The following MLLT6 variants were observed in gnomAD, a reference collection of about 807,000 sequenced individuals.
The protein encoded by MLLT6 is MLLT6, PHD finger containing.
In MLLT6, 22 loss-of-function variants were observed where a neutral mutation model predicts 103.0. The observed-to-expected ratio is 0.21, with a 90% CI of 0.15 to 0.31. The LOEUF is 0.31. Ranked by LOEUF, MLLT6 falls within the 10% of genes least tolerant of loss-of-function variation. The pLI, the probability that MLLT6 is intolerant of heterozygous loss-of-function variation, is 1.00. For missense variants in MLLT6, 1,199 were observed against 1,441.7 expected (o/e 0.83, Z 2.73); for synonymous variants, 606 against 623.5 (o/e 0.97, Z 0.42).
rs755359341 is a variant in MLLT6 at position 38,709,723 on chromosome 17, G to A, written c.552+148G>A. 7.5e-5 allele frequency: 49 copies of A among 656,470 alleles called. No homozygotes were observed. The highest frequency in any genetic ancestry group is 1.2e-4 in the Non-Finnish European group (44 of 364,986). 40.7% of individuals were successfully genotyped at this position (656,470 alleles called of 1,614,324 possible). The stretch of plus-strand genomic sequence containing the variant: ...CCTGCCCAAGAGGAGCTCTTCATTC[G>A]ATGAGGAATAAAGTACAGCTTCAGG... On this transcript the variant is annotated intron_variant, in intron 6 of 19. Transcript: ENST00000621332. This position sits in a 1 kb window ranked among gnomAD's most constrained non-coding sequence, Gnocchi z 4.3.
rs930790648 is a variant in MLLT6 at position 38,728,522 on chromosome 17, T to C, written c.*2924T>C. The C allele has an allele frequency of 8.6e-6, 2 of 233,186 alleles. No homozygotes were observed. Among genetic ancestry groups the C allele is most frequent in the Non-Finnish European group, 1.7e-5 (2 of 118,138 alleles). 14.4% of individuals were successfully genotyped at this position (233,186 alleles called of 1,614,324 possible). Reference sequence around the variant, plus strand: ...TGGAGTTGGGTGTTCCCACCCTCAGTGAGGAGGTGTGAGTGGGGGTGCATA... The same window carrying C: ...TGGAGTTGGGTGTTCCCACCCTCAGCGAGGAGGTGTGAGTGGGGGTGCATA... On this transcript the variant is annotated 3_prime_UTR_variant, in exon 20 of 20. Transcript: ENST00000621332.
At chr17:38,715,421 G>A in intron 8 of MLLT6, 191 bp from the exon 9 acceptor site, 1 of 882,646 alleles carries the variant, frequency 1.1e-6, no homozygotes, top group Non-Finnish European at 1.6e-6. Flanking sequence ...ACACCCAGGA[G>A]TGCCACAGCT....
chr17:38,717,878 C>G lies in MLLT6; in HGVS notation c.1867C>G (p.Pro623Ala). The stretch of plus-strand genomic sequence containing the variant: ...TCTGGCTGGCTCTACCTTTAGCCTC[C>G]CTTCTACCCACATCTTTGGAACCCC... ...FSLAGSTFSL[P>A]STHIFGTPMG... Residue 623 changes from proline (P) to alanine (A), a missense_variant, in exon 12 of 20, where the codon CCT (proline) becomes GCT (alanine). Pro to Ala is a conservative substitution (Grantham distance 27). Transcript: ENST00000621332. 1.9e-6 allele frequency: 3 copies of G among 1,614,058 alleles called. No individual in the cohort carries two copies. The highest frequency in any genetic ancestry group is 2.5e-6 in the Non-Finnish European group (3 of 1,179,924).
intron 2 of MLLT6, 41 bp from the exon 3 acceptor site, chr17:38,707,445 T>G (rs1904978455): frequency 6.2e-7 from 1 of 1,608,390 alleles, no homozygotes; most frequent in Admixed American, 1.7e-5. Flanking sequence ...AGGGTCCAGC[T>G]CAGCAGATCC....
rs1050257442 is a variant in MLLT6 at position 38,709,898 on chromosome 17, C to T, written c.552+323C>T. 2.6e-5 allele frequency among the ~76,000 whole-genome samples: 4 copies of T among 152,308 alleles called. No individual in the cohort carries two copies. Among genetic ancestry groups the T allele is most frequent in the Admixed American group, 2.6e-4 (4 of 15,298 alleles). On this transcript the variant is annotated intron_variant, in intron 6 of 19. Transcript: ENST00000621332. This position sits in a 1 kb window ranked among gnomAD's most constrained non-coding sequence, Gnocchi z 4.3. ...TAAGAGCCAACATTTGTGTGGGAGGCAGCATTTACTACGCCTCCGCCTTAG... is the reference window on the plus strand; with the variant it reads ...TAAGAGCCAACATTTGTGTGGGAGGTAGCATTTACTACGCCTCCGCCTTAG...
intron 18 of MLLT6, 93 bp downstream of exon 18, chr17:38,722,861 G>A: frequency 2.1e-6 from 2 of 969,062 alleles, no homozygotes; most frequent in South Asian, 1.4e-5. Flanking sequence ...GAGGGCAGGA[G>A]CAGGCAGAGT....
chr17:38,712,939 ACTC>A, intron 8 of MLLT6, 150 bp downstream of exon 8: 1 of 750,582 alleles, frequency 1.3e-6, no homozygotes, highest in South Asian at 1.4e-5. Context: ...CATACCCTCT[ACTC>A]CTTCTTCCAG....
chr17:38,724,458 C>A lies in MLLT6; in HGVS notation c.2884-162C>A, dbSNP rs894521171. On this transcript the variant is annotated intron_variant, in intron 18 of 19. Transcript: ENST00000621332. The surrounding 1 kb of genome is among the most constrained non-coding windows in gnomAD (Gnocchi z 5.4). ...ATTTTCTTGTCTAGATGGGGAGACCCAGGCTAAGTGGGAAATGCGAGACAG... is the reference window on the plus strand; with the variant it reads ...ATTTTCTTGTCTAGATGGGGAGACCAAGGCTAAGTGGGAAATGCGAGACAG... 1.6e-5 allele frequency: 9 copies of A among 573,952 alleles called. No individual in the cohort carries two copies. The African/African-American group carries it at 1.7e-4, about 11-fold the overall frequency. The allele number at this position is 573,952 out of a possible 1,614,324, so 35.6% of individuals were successfully genotyped here.
chr17:38,716,538 T>C lies in MLLT6; in HGVS notation c.1208T>C (p.Phe403Ser). 1 of 1,614,120 alleles carries C rather than the reference T, an allele frequency of 6.2e-7. No homozygotes were observed. The highest frequency in any genetic ancestry group is 1.1e-5 in the South Asian group (1 of 91,082). ...GAGCAGAAGGTGGTCTTCTCTGGCT[T>C]TGGGCCCATCATGCGCTTCTCCACC... ...LFEQKVVFSG[F>S]GPIMRFSTTT... is the part of the protein sequence containing the mutation. The change falls in exon 10 of 20, where the codon TTT (phenylalanine) becomes TCT (serine). Residue 403 changes from phenylalanine to serine, a missense_variant. Transcript: ENST00000621332. The surrounding 1 kb of genome is among the most constrained non-coding windows in gnomAD (Gnocchi z 5.6).
Position 38,705,341 on chromosome 17 carries a change from C to T in MLLT6, c.-292C>T, listed in dbSNP as rs1368666253. ...GGGGCGGCCCTAGGAGCCGGGCGAGCGGCGCGGAGGGGGCGAGCCCGGCGT... is the reference window on the plus strand; with the variant it reads ...GGGGCGGCCCTAGGAGCCGGGCGAGTGGCGCGGAGGGGGCGAGCCCGGCGT... On this transcript the variant is annotated 5_prime_UTR_variant, in exon 1 of 20. Coordinates refer to ENST00000621332, the MANE Select transcript of MLLT6 (RefSeq NM_005937.4). Among the ~76,000 whole-genome samples, 1 of 143,366 alleles carries T rather than the reference C, an allele frequency of 7.0e-6. No individual in the cohort carries two copies. The highest frequency in any genetic ancestry group is 1.5e-5 in the Non-Finnish European group (1 of 64,652). 94.1% of individuals were successfully genotyped at this position (143,366 alleles called of 152,430 possible).
Position 38,705,604 on chromosome 17 carries a change from C to T in MLLT6, c.-29C>T. On this transcript the variant is annotated 5_prime_UTR_variant, in exon 1 of 20. Coordinates refer to ENST00000621332, the MANE Select transcript of MLLT6 (RefSeq NM_005937.4). The stretch of plus-strand genomic sequence containing the variant: ...CCGACCCCCGCCGGCCGGCCCCCCG[C>T]CCCAGCCCCGGAGGGAGCTCATGGG... 1 of 1,400,538 alleles carries T rather than the reference C, an allele frequency of 7.1e-7. No homozygotes were observed. Among genetic ancestry groups the T allele is most frequent in the Non-Finnish European group, 9.7e-7 (1 of 1,026,358 alleles). The allele number at this position is 1,400,538 out of a possible 1,614,324, so 86.8% of individuals were successfully genotyped here. A position where few individuals can be genotyped will look rare whatever the true frequency, so the allele number is the denominator to read the frequency against.
intron 8 of MLLT6, chr17:38,713,594 G>C (rs1328214913): frequency 6.5e-6 from 1 of 152,740 alleles, no homozygotes; most frequent in African/African-American, 2.4e-5. Context: ...ATGTTGCTGT[G>C]GCAACTGCCC....
rs1905787285 is a variant in MLLT6 at position 38,722,136 on chromosome 17, G to C, written c.2701G>C (p.Gly901Arg). ...SGGLPLNGLL[G>R]GLNGAAAPNP... ...GGGCCTGCCCCTCAATGGGCTCCTT[G>C]GGGGGTTGAATGGGGCCGCTGCCCC... The change falls in exon 17 of 20, where the codon GGG (glycine) becomes CGG (arginine). Residue 901 changes from glycine to arginine, a missense_variant. By Grantham distance (125) the Gly-to-Arg change is moderately radical. Transcript: ENST00000621332. 1.5e-6 allele frequency: 2 copies of C among 1,376,748 alleles called. No homozygotes were observed. Among genetic ancestry groups the C allele is most frequent in the Non-Finnish European group, 1.9e-6 (2 of 1,070,864 alleles). The allele number at this position is 1,376,748 out of a possible 1,614,324, so 85.3% of individuals were successfully genotyped here.
Position 38,715,793 on chromosome 17 carries a change from C to T in MLLT6, c.1001C>T (p.Ser334Phe), listed in dbSNP as rs771597652. The change falls in exon 9 of 20, where the codon TCT becomes TTT. Residue 334 changes from serine to phenylalanine, a missense_variant. Ser to Phe is a radical substitution (Grantham distance 155). This residue lies in a region of MLLT6 where 1,034 missense variants were observed against 1,091.5 expected (regional missense o/e 0.95). Transcript: ENST00000621332. The stretch of plus-strand genomic sequence containing the variant: ...TCCGCCTCCTCTTCTTCCTCCTCCT[C>T]TTCCTCCTCCTCTGGGGGGCCCTTC... ...FTSASSSSSS[S>F]SSSSGGPFQP... 6.2e-7 allele frequency: 1 copy of T among 1,607,428 alleles called. No homozygotes were observed. The highest frequency in any genetic ancestry group is 1.1e-5 in the South Asian group (1 of 89,958).
In MLLT6 at chr17:38,705,287, C is replaced by T. The variant is rs1189414241; in HGVS notation, c.-346C>T. On this transcript the variant is annotated 5_prime_UTR_variant, in exon 1 of 20. Transcript: ENST00000621332. The stretch of plus-strand genomic sequence containing the variant: ...GCCCGCGATGTGCCACTCGGCGCCT[C>T]CCCCGCCGGGCTCGGGCTACGCGGC... 6.9e-6 allele frequency among the ~76,000 whole-genome samples: 1 copy of T among 144,884 alleles called. No homozygotes were observed. Among genetic ancestry groups the T allele is most frequent in the Non-Finnish European group, 1.5e-5 (1 of 65,296 alleles).
At position 38,724,791 on chromosome 17, in the gene MLLT6, C is replaced by T. The variant is rs1270849845; in HGVS notation, c.3055C>T (p.Pro1019Ser). The change falls in exon 19 of 20, where the codon CCA (proline) becomes TCA (serine). Residue 1019 changes from proline to serine, a missense_variant. This residue lies in a region of MLLT6 where 1,034 missense variants were observed against 1,091.5 expected (regional missense o/e 0.95). Transcript: ENST00000621332. The surrounding 1 kb of genome is among the most constrained non-coding windows in gnomAD (Gnocchi z 5.4). ...TPGLLPTASA[P>S]PLLPAGALVA... Reference sequence around the variant, plus strand: ...TGGCCTGCTGCCCACAGCGTCTGCTCCACCCCTGCTGCCCGCTGGAGCCCT... The same window carrying T: ...TGGCCTGCTGCCCACAGCGTCTGCTTCACCCCTGCTGCCCGCTGGAGCCCT... The T allele has an allele frequency of 4.4e-6, 7 of 1,606,388 alleles. No homozygotes were observed. The highest frequency in any genetic ancestry group is 1.3e-5 in the African/African-American group (1 of 74,740).
Position 38,720,359 on chromosome 17 carries a change from GCT to G in MLLT6, c.2156-7_2156-6del, listed in dbSNP as rs760253434. ...CCCTCGCCCCTCCCTCAGGTTCCTC[GCT>G]CTCTCCGCAGTCGTGGAGATGCTGA... On this transcript the variant is annotated splice_polypyrimidine_tract_variant and intron_variant, in intron 14 of 19. Transcript: ENST00000621332. 4 of 1,276,462 alleles carry G rather than the reference GCT, an allele frequency of 3.1e-6. No individual in the cohort carries two copies. The highest frequency in any genetic ancestry group is 4.1e-6 in the Non-Finnish European group (4 of 969,614). 79.1% of individuals were successfully genotyped at this position (1,276,462 alleles called of 1,614,324 possible). A position where few individuals can be genotyped will look rare whatever the true frequency, so the allele number is the denominator to read the frequency against.
intron 3 of MLLT6, 96 bp from the exon 4 acceptor site, chr17:38,707,667 G>C: frequency 8.0e-7 from 1 of 1,242,540 alleles, no homozygotes. Context: ...CTGATGGGAA[G>C]GCTGTGGAGG....
intron 19 of MLLT6, 75 bp from the exon 20 acceptor site, chr17:38,725,482 C>A: frequency 7.2e-7 from 1 of 1,396,710 alleles, no homozygotes; most frequent in Non-Finnish European, 1.0e-6. Context: ...CTTTCTTGGC[C>A]TAGGAAGCTG....
Sources: gnomAD v4.1 joint callset for allele counts (sites outside exome capture counted in the v4.1 genomes callset) on GRCh38, gnomAD v4.1.1 for gene constraint, gnomAD v4.1.1 regional missense constraint, Gnocchi (gnomAD v3.1) non-coding constraint, MANE v1.5 for transcripts, NCBI Gene and HGNC (gene_info 2026-07-23, HGNC 2026-07-21) for gene names.